Variants in RNF144A observed in about 807,000 individuals in gnomAD.
RNF144A encodes E3 ubiquitin-protein ligase RNF144A.
Under a neutral mutation model 38.7 loss-of-function variants are expected in RNF144A, and 11 were observed. The observed-to-expected ratio is 0.28, with a 90% CI of 0.18 to 0.47. The LOEUF is 0.47. Among genes scored for constraint, RNF144A ranks in the 20% least tolerant of loss-of-function variants. The pLI is 0.99. For missense variants in RNF144A, 316 were observed against 377.2 expected (o/e 0.84, Z 1.34); for synonymous variants, 149 against 143.9 (o/e 1.04, Z -0.25).
At position 7,034,937 on chromosome 2, in the gene RNF144A, T is replaced by C. The variant is rs528711359; in HGVS notation, c.748-4692T>C. 1.4e-4 allele frequency among the ~76,000 whole-genome samples: 22 copies of C among 152,248 alleles called. No homozygotes were observed. The East Asian group carries it at 3.7e-3, about 25-fold the overall frequency. Reference sequence around the variant, plus strand: ...GAGGGTGTGGTGTCTTGCTGTAGACTTAAGTCTGTATGGCACTAGGGAGCC... The same window carrying C: ...GAGGGTGTGGTGTCTTGCTGTAGACCTAAGTCTGTATGGCACTAGGGAGCC... On this transcript the variant is annotated intron_variant, in intron 8 of 8. Coordinates refer to ENST00000320892, the MANE Select transcript of RNF144A (RefSeq NM_014746.6).
rs763539092 is a variant in RNF144A at position 7,014,505 on chromosome 2, A to G, written c.187A>G (p.Ile63Val). 20 of 1,611,290 alleles carry G rather than the reference A, an allele frequency of 1.2e-5. No individual in the cohort carries two copies. Among genetic ancestry groups the G allele is most frequent in the Non-Finnish European group, 1.7e-5 (20 of 1,179,112 alleles). The change falls in exon 4 of 9, where the codon ATT becomes GTT. Residue 63 changes from isoleucine to valine, a missense_variant. By Grantham distance (29) the Ile-to-Val change is conservative. Coordinates refer to ENST00000320892, the MANE Select transcript of RNF144A (RefSeq NM_014746.6). ...LLIKEGLETA[I>V]SCPDAACPKQ... ...GATCAAAGAAGGATTAGAAACCGCA[A>G]TTAGCTGCCCAGATGCTGCCTGCCC...
At chr2:7,051,012 GGT>G (rs746232502) in intron 6 of RNF144A, among the ~76,000 whole-genome samples, 1 of 152,196 alleles carries the variant, frequency 6.6e-6, no homozygotes, top group Non-Finnish European at 1.5e-5. Context: ...TCAGTGCCTT[GGT>G]ACCACACCAC....
chr2:6,928,514 A>G (rs1422223716), intron 1 of RNF144A, among the ~76,000 whole-genome samples: 2 of 152,142 alleles, frequency 1.3e-5, no homozygotes, highest in Non-Finnish European at 2.9e-5. Flanking sequence ...CTACATCTGC[A>G]CCCCAGACCA....
At chr2:7,007,107 C>T (rs443363) in intron 3 of RNF144A, among the ~76,000 whole-genome samples, 121,309 of 151,766 alleles carry the variant, frequency 0.8, 48,591 homozygotes, top group South Asian at 0.92. Flanking sequence ...ATTTTGTGGA[C>T]TTGACTCTTC....
At chr2:6,990,704 A>G (rs1298120104) in intron 2 of RNF144A, among the ~76,000 whole-genome samples, 1 of 151,936 alleles carries the variant, frequency 6.6e-6, no homozygotes, top group Non-Finnish European at 1.5e-5. Context: ...TTTGGTCCAT[A>G]GTTTACGCTA....
At chr2:7,013,829 T>C (rs1670970487) in intron 3 of RNF144A, among the ~76,000 whole-genome samples, 1 of 152,160 alleles carries the variant, frequency 6.6e-6, no homozygotes, top group African/African-American at 2.4e-5. Flanking sequence ...CCCAAGTAGG[T>C]AAGGTAGGTA....
chr2:7,024,297 C>A, intron 6 of RNF144A, 72 bp from the exon 7 acceptor site: 1 of 1,361,764 alleles, frequency 7.3e-7, no homozygotes, highest in Non-Finnish European at 9.9e-7. Context: ...CCGATGCTTC[C>A]AGCATAGCCA....
intron 1 of RNF144A, among the ~76,000 whole-genome samples, chr2:6,936,060 G>A (rs1289408950): frequency 1.3e-5 from 2 of 152,170 alleles, no homozygotes; most frequent in African/African-American, 2.4e-5. Context: ...TGGGCGGCTC[G>A]GCCTATGGAA....
rs1322307675 is a variant in RNF144A, at chr2:7,014,642, G to A, written c.241-70G>A. The A allele has an allele frequency of 2.6e-6, 4 of 1,532,524 alleles. No individual in the cohort carries two copies. The African/African-American group carries it at 4.1e-5, about 16-fold the overall frequency. The allele number at this position is 1,532,524 out of a possible 1,614,324, so 94.9% of individuals were successfully genotyped here. On this transcript the variant is annotated intron_variant, in intron 4 of 8. Coordinates refer to ENST00000320892, the MANE Select transcript of RNF144A (RefSeq NM_014746.6). ...TGTCAGAATAACGTGGGTTTTGTTT[G>A]GGTGTGCGTTGCATTATATTCTAGC...
intron 2 of RNF144A, among the ~76,000 whole-genome samples, chr2:6,957,203 C>T (rs551142177): frequency 6.8e-4 from 103 of 152,246 alleles, no homozygotes; most frequent in African/African-American, 2.4e-3. Flanking sequence ...CTCTGTCCCA[C>T]GTGCTTGCCT....
At chr2:6,928,887 C>T (rs1001285087) in intron 1 of RNF144A, among the ~76,000 whole-genome samples, 1 of 152,152 alleles carries the variant, frequency 6.6e-6, no homozygotes, top group African/African-American at 2.4e-5. Flanking sequence ...ACTGGCCCAT[C>T]CTCTTCCTGC....
chr2:6,999,517 T>C (rs1669967190), intron 3 of RNF144A, among the ~76,000 whole-genome samples: 1 of 152,204 alleles, frequency 6.6e-6, no homozygotes, highest in Admixed American at 6.5e-5. Flanking sequence ...ACAGTTATTA[T>C]GAAATTACAG....
At chr2:7,029,093 C>T (rs1672106880) in intron 7 of RNF144A, among the ~76,000 whole-genome samples, 1 of 152,242 alleles carries the variant, frequency 6.6e-6, no homozygotes, top group African/African-American at 2.4e-5. Context: ...TGACCTGCTC[C>T]TCCTGGTTTT....
At chr2:6,981,215 A>G (rs1023706757) in intron 2 of RNF144A, among the ~76,000 whole-genome samples, 5 of 152,186 alleles carry the variant, frequency 3.3e-5, no homozygotes, top group Non-Finnish European at 5.9e-5. Flanking sequence ...ACTGATTAAC[A>G]TTCGGCTTCT....
intron 3 of RNF144A, among the ~76,000 whole-genome samples, chr2:7,004,005 C>A (rs1670283405): frequency 1.3e-5 from 2 of 152,240 alleles, no homozygotes; most frequent in Non-Finnish European, 2.9e-5. Flanking sequence ...AATGGGGAAC[C>A]TTGGGCAAGT....
At chr2:7,065,367 T>C (rs770353968) in intron 6 of RNF144A, among the ~76,000 whole-genome samples, 7 of 152,200 alleles carry the variant, frequency 4.6e-5, no homozygotes, top group Non-Finnish European at 1.0e-4. Flanking sequence ...TGCTTCCATA[T>C]TGACCATGGC....
chr2:6,930,058 C>T (rs894066347), intron 1 of RNF144A, among the ~76,000 whole-genome samples: 3 of 152,166 alleles, frequency 2.0e-5, no homozygotes, highest in Admixed American at 6.5e-5. Flanking sequence ...TGCACAGTTG[C>T]GCTTTGGAGA....
rs900524123 is a variant in RNF144A, at chr2:6,937,312, T to C, written c.-211-3636T>C. 2.0e-5 allele frequency among the ~76,000 whole-genome samples: 3 copies of C among 152,236 alleles called. No individual in the cohort carries two copies. The East Asian group carries it at 5.8e-4, about 29-fold the overall frequency. ...AAAATGCGGATGCCAGTCAGCTGTGTGACCATGGGCCACTGTCCAGGTGGG... is the reference window on the plus strand; with the variant it reads ...AAAATGCGGATGCCAGTCAGCTGTGCGACCATGGGCCACTGTCCAGGTGGG... On this transcript the variant is annotated intron_variant, in intron 1 of 8. Transcript: ENST00000320892.
intron 3 of RNF144A, among the ~76,000 whole-genome samples, chr2:7,012,857 G>A (rs565741438): frequency 2.0e-5 from 3 of 152,306 alleles, no homozygotes; most frequent in African/African-American, 7.2e-5. Context: ...TAAACCATAG[G>A]TTGGTAAAAT....
Sources: gnomAD v4.1 joint callset for allele counts (sites outside exome capture counted in the v4.1 genomes callset) on GRCh38, gnomAD v4.1.1 for gene constraint, MANE v1.5 for transcripts, NCBI Gene and HGNC (gene_info 2026-07-23, HGNC 2026-07-21) for gene names.